Variants in CSMD2 observed in about 807,000 individuals in gnomAD.
The protein encoded by CSMD2 is CUB and Sushi multiple domains 2.
A neutral mutation model predicts 398.5 loss-of-function variants in CSMD2; 130 were observed. The ratio of observed to expected loss-of-function variants is 0.33; its 90% confidence interval spans 0.28 to 0.38. CSMD2 has a LOEUF of 0.38. CSMD2 is among the 10% of genes least tolerant of loss of function. The pLI is 1.00. For synonymous variants in CSMD2, 1,828 were observed against 1,908.5 expected (o/e 0.96, Z 1.10); for missense variants, 3,829 against 4,764.9 (o/e 0.80, Z 5.78).
chr1:33,831,779 G>C (rs1659598699), intron 6 of CSMD2, among the ~76,000 whole-genome samples: 2 of 151,816 alleles, frequency 1.3e-5, no homozygotes, highest in South Asian at 4.2e-4. Context: ...CTCACGTGCA[G>C]AGACACACAT....
intron 6 of CSMD2, among the ~76,000 whole-genome samples, chr1:33,837,651 G>A (rs1660441148): frequency 6.6e-6 from 1 of 152,162 alleles, no homozygotes; most frequent in African/African-American, 2.4e-5. Flanking sequence ...ACATATTCAA[G>A]CACATGTAAA....
intron 1 of CSMD2, among the ~76,000 whole-genome samples, chr1:34,159,220 C>T (rs1473856314): frequency 6.6e-6 from 1 of 152,194 alleles, no homozygotes; most frequent in African/African-American, 2.4e-5. Context: ...TCCAATATGT[C>T]CTGATGACTC....
intron 5 of CSMD2, among the ~76,000 whole-genome samples, chr1:33,896,915 C>G (rs1011520630): frequency 6.6e-6 from 1 of 151,194 alleles, no homozygotes; most frequent in East Asian, 1.9e-4. Context: ...GAAGAGCACG[C>G]GTGGCATCTA....
intron 2 of CSMD2, among the ~76,000 whole-genome samples, chr1:34,057,510 T>A (rs898094520): frequency 6.6e-6 from 1 of 152,110 alleles, no homozygotes; most frequent in African/African-American, 2.4e-5. Context: ...CACCTTACAC[T>A]GATTGGTGTC....
At chr1:34,009,354 T>TG (rs948427478) in intron 3 of CSMD2, among the ~76,000 whole-genome samples, 5 of 135,718 alleles carry the variant, frequency 3.7e-5, no homozygotes, top group East Asian at 2.5e-4. Context: ...GGGTCGGGGG[T>TG]GGGGGAAGGT....
At chr1:33,551,440 T>C (rs900651784) in intron 55 of CSMD2, among the ~76,000 whole-genome samples, 1 of 152,164 alleles carries the variant, frequency 6.6e-6, no homozygotes, top group Admixed American at 6.5e-5. Flanking sequence ...CAAGGAGAGA[T>C]GATAATGTCT....
chr1:33,661,272 C>T (rs1644123157), intron 26 of CSMD2, among the ~76,000 whole-genome samples: 1 of 152,168 alleles, frequency 6.6e-6, no homozygotes, highest in Non-Finnish European at 1.5e-5. Flanking sequence ...ATTCATAATA[C>T]TTCTTTCCCC....
intron 1 of CSMD2, among the ~76,000 whole-genome samples, chr1:34,159,898 A>C (rs1177790074): frequency 6.6e-6 from 1 of 152,240 alleles, no homozygotes; most frequent in Non-Finnish European, 1.5e-5. Context: ...GAGGTATGGC[A>C]CTGGACTCGT....
chr1:33,882,771 C>T (rs1235167801), intron 5 of CSMD2, among the ~76,000 whole-genome samples: 5 of 152,146 alleles, frequency 3.3e-5, no homozygotes, highest in Admixed American at 2.0e-4. Context: ...TTTTCTCAAT[C>T]CTCATACCCT....
chr1:33,561,031 A>C (rs1281647796), intron 53 of CSMD2, among the ~76,000 whole-genome samples: 1 of 152,046 alleles, frequency 6.6e-6, no homozygotes, highest in Non-Finnish European at 1.5e-5. Flanking sequence ...TCTGGGTTTT[A>C]ATTTGTGGGA....
At chr1:33,714,548 C>T in intron 21 of CSMD2, 39 bp downstream of exon 21, 1 of 1,603,338 alleles carries the variant, frequency 6.2e-7, no homozygotes, top group Non-Finnish European at 8.5e-7. Flanking sequence ...TCTGTCCCAC[C>T]CCATTAGTGA....
Position 33,624,774 on chromosome 1 carries a change from A to C in CSMD2, c.5501-131T>G. 8.0e-7 allele frequency: 1 copy of C among 1,252,718 alleles called. No individual in the cohort carries two copies. The highest frequency in any genetic ancestry group is 1.1e-6 in the Non-Finnish European group (1 of 918,822). The allele number at this position is 1,252,718 out of a possible 1,614,324, so 77.6% of individuals were successfully genotyped here. ...ATGGGGGTGTCTCCCTAATGTCCCC[A>C]GTCCTGCCTTCTCCACGGCCTCTCC... is the stretch of plus-strand genomic sequence containing the variant. On this transcript the variant is annotated intron_variant, in intron 34 of 70. Transcript: ENST00000373381. The surrounding 1 kb of genome is among the most constrained non-coding windows in gnomAD (Gnocchi z 4.7).
intron 13 of CSMD2, among the ~76,000 whole-genome samples, chr1:33,767,126 A>G (rs1450250612): frequency 6.6e-6 from 1 of 152,252 alleles, no homozygotes; most frequent in Non-Finnish European, 1.5e-5. Flanking sequence ...TTCACTTGAC[A>G]GAAGAACCCA....
intron 4 of CSMD2, among the ~76,000 whole-genome samples, chr1:33,929,117 G>A (rs964374448): frequency 1.3e-5 from 2 of 151,984 alleles, no homozygotes; most frequent in African/African-American, 4.8e-5. Context: ...AGCCCTCCAG[G>A]AAAAGCCTAG....
intron 2 of CSMD2, among the ~76,000 whole-genome samples, chr1:34,085,502 A>G (rs992378137): frequency 1.3e-5 from 2 of 152,110 alleles, no homozygotes; most frequent in Non-Finnish European, 2.9e-5. Flanking sequence ...GTTTTCTTTG[A>G]CAGCACAATC....
chr1:34,146,528 G>A (rs1639781214), intron 1 of CSMD2, among the ~76,000 whole-genome samples: 1 of 152,160 alleles, frequency 6.6e-6, no homozygotes, highest in African/African-American at 2.4e-5. Flanking sequence ...GATGTGGGAG[G>A]CCATAGCCCT....
chr1:34,128,285 T>G (rs1662953383), intron 1 of CSMD2, among the ~76,000 whole-genome samples: 1 of 152,182 alleles, frequency 6.6e-6, no homozygotes, highest in Non-Finnish European at 1.5e-5. Context: ...CCTGAAGGAC[T>G]GAGTGCAGAG....
chr1:33,816,201 CAT>C (rs1657444589), intron 9 of CSMD2, among the ~76,000 whole-genome samples: 1 of 152,146 alleles, frequency 6.6e-6, no homozygotes, highest in South Asian at 2.1e-4. Context: ...AAGGCATATA[CAT>C]ATATATGAGT....
chr1:33,537,676 C>T lies in CSMD2; in HGVS notation c.9632-67G>A, dbSNP rs1038134056. The T allele has an allele frequency of 8.1e-6, 12 of 1,486,174 alleles. No individual in the cohort carries two copies. The highest frequency in any genetic ancestry group is 4.1e-5 in the African/African-American group (3 of 72,306). 92.1% of individuals were successfully genotyped at this position (1,486,174 alleles called of 1,614,324 possible). ...CAGAACCCAATCTTCCAGTCCCACACCCCCATCTTTGTTCTTTGCACTGCT... is the reference window on the plus strand; with the variant it reads ...CAGAACCCAATCTTCCAGTCCCACATCCCCATCTTTGTTCTTTGCACTGCT... On this transcript the variant is annotated intron_variant, in intron 60 of 70. Transcript: ENST00000373381. This position sits in a 1 kb window ranked among gnomAD's most constrained non-coding sequence, Gnocchi z 4.6.
Sources: gnomAD v4.1 joint callset for allele counts (sites outside exome capture counted in the v4.1 genomes callset) on GRCh38, gnomAD v4.1.1 for gene constraint, Gnocchi (gnomAD v3.1) non-coding constraint, MANE v1.5 for transcripts, NCBI Gene and HGNC (gene_info 2026-07-23, HGNC 2026-07-21) for gene names.